The following CALD1 variants were observed in gnomAD, a reference collection of about 807,000 sequenced individuals.
The protein encoded by CALD1 is caldesmon.
Under a neutral mutation model 99.9 loss-of-function variants are expected in CALD1, and 33 were observed. The observed-to-expected ratio is 0.33, with a 90% confidence interval of 0.25 to 0.44. CALD1 has a LOEUF of 0.44. CALD1 is among the 20% of genes least tolerant of loss of function. The pLI is 1.00. For missense variants in CALD1, 861 were observed against 962.1 expected, an observed-to-expected ratio of 0.89 and a Z score of 1.39; for synonymous variants, 310 against 325.0, an observed-to-expected ratio of 0.95 and a Z score of 0.50.
chr7:134,745,248 A>G (rs1796624658), intron 1 of CALD1, among the ~76,000 whole-genome samples: 1 of 152,234 alleles, frequency 6.6e-6, no homozygotes, highest in Non-Finnish European at 1.5e-5. Flanking sequence ...CTCCATCCCA[A>G]TTCAGTATCA....
At chr7:134,797,365 A>C (rs1008809301) in intron 1 of CALD1, among the ~76,000 whole-genome samples, 1 of 152,250 alleles carries the variant, frequency 6.6e-6, no homozygotes, top group Admixed American at 6.5e-5. Context: ...TGTTGCCCTC[A>C]GATTTTCTAA....
chr7:134,810,253 T>C (rs1585998620), intron 1 of CALD1, among the ~76,000 whole-genome samples: 1 of 152,188 alleles, frequency 6.6e-6, no homozygotes, highest in African/African-American at 2.4e-5. Flanking sequence ...AAATCAGTGG[T>C]CGGAGATAGC....
intron 7 of CALD1, among the ~76,000 whole-genome samples, chr7:134,945,175 CA>C (rs1806760656): frequency 6.6e-6 from 1 of 152,112 alleles, no homozygotes; most frequent in Non-Finnish European, 1.5e-5. Flanking sequence ...AAAGAAAATT[CA>C]ACATAATTTC....
chr7:134,745,577 C>T (rs1483060223), intron 1 of CALD1: 1 of 152,162 alleles, frequency 6.6e-6, no homozygotes, highest in East Asian at 1.9e-4. Flanking sequence ...CAAAAGGTAA[C>T]TATTTTAAAT....
At chr7:134,932,194 A>G (rs1805571651) in intron 4 of CALD1, among the ~76,000 whole-genome samples, 1 of 152,154 alleles carries the variant, frequency 6.6e-6, no homozygotes, top group Non-Finnish European at 1.5e-5. Context: ...TGCAAATTTA[A>G]TCCTTGAGTG....
At position 134,806,312 on chromosome 7, in the gene CALD1, GCC is replaced by G. The variant is rs534215038; in HGVS notation, c.-130+26565_-130+26566del. On this transcript the variant is annotated intron_variant, in intron 1 of 14. Coordinates refer to ENST00000361675, the MANE Select transcript of CALD1 (RefSeq NM_033138.4). ...ACAAAAAGGGGTTTTTCTCCCCCCAGCCCACGGTTTAGCTTCCTCATTAGTAG... is the reference window on the plus strand; with the variant it reads ...ACAAAAAGGGGTTTTTCTCCCCCCAGCACGGTTTAGCTTCCTCATTAGTAG... Among the ~76,000 whole-genome samples the G allele has an allele frequency of 3.7e-3, 560 of 152,288 alleles. 1 individual carries two copies. The highest frequency in any genetic ancestry group is 0.014 in the Middle Eastern group (4 of 294).
chr7:134,970,221 T>C lies in CALD1; in HGVS notation c.*1876T>C, dbSNP rs2133319324. On this transcript the variant is annotated 3_prime_UTR_variant, in exon 15 of 15. Transcript: ENST00000361675. ...TCCCAGGTAGCATTGACTCCCGTCA[T>C]TGGAGTGAAATGGATCAAAGTTTGA... 6.6e-6 allele frequency: 1 copy of C among 152,332 alleles called. No individual in the cohort carries two copies. The highest frequency in any genetic ancestry group is 1.9e-4 in the East Asian group (1 of 5,190). The allele number at this position is 152,332 out of a possible 1,614,324, so 9.4% of individuals were successfully genotyped here.
upstream of CALD1, among the ~76,000 whole-genome samples, chr7:134,778,703 C>T (rs1334685121): frequency 5.3e-5 from 8 of 152,192 alleles, no homozygotes; most frequent in Non-Finnish European, 7.3e-5. Flanking sequence ...ACTTTCAAGA[C>T]GTCACCTGAA....
At chr7:134,850,874 T>G (rs932724627) in intron 2 of CALD1, among the ~76,000 whole-genome samples, 3 of 152,210 alleles carry the variant, frequency 2.0e-5, no homozygotes, top group Non-Finnish European at 4.4e-5. Flanking sequence ...TGTGTTGTTC[T>G]CATGATAGTG....
chr7:134,778,009 A>G (rs79149725), upstream of CALD1, among the ~76,000 whole-genome samples: 593 of 152,338 alleles, frequency 3.9e-3, 2 homozygotes, highest in African/African-American at 0.013. Flanking sequence ...CCTGAAATGC[A>G]ACATTGACTG....
chr7:134,950,283 C>A, intron 8 of CALD1, 91 bp from the exon 9 acceptor site: 1 of 1,288,960 alleles, frequency 7.8e-7, no homozygotes, highest in Non-Finnish European at 1.1e-6. Flanking sequence ...GAGTCTGCTG[C>A]CTCTCCAACT....
At chr7:134,939,894 G>A (rs1465317142) in intron 6 of CALD1, among the ~76,000 whole-genome samples, 1 of 152,116 alleles carries the variant, frequency 6.6e-6, no homozygotes, top group East Asian at 1.9e-4. Context: ...AACCCGGGAG[G>A]TGGAAGCTGC....
At chr7:134,777,959 A>G (rs1423195026), upstream of CALD1, among the ~76,000 whole-genome samples, 1 of 152,218 alleles carries the variant, frequency 6.6e-6, no homozygotes, top group Admixed American at 6.5e-5. Flanking sequence ...AATTTTATAA[A>G]CAGTGGTGTT....
intron 1 of CALD1, among the ~76,000 whole-genome samples, chr7:134,826,273 C>T (rs1050994989): frequency 1.3e-5 from 2 of 152,298 alleles, no homozygotes; most frequent in Admixed American, 1.3e-4. Flanking sequence ...TGAATGTACT[C>T]ACCCACGAGC....
intron 1 of CALD1, among the ~76,000 whole-genome samples, chr7:134,747,780 A>T (rs868736742): frequency 6.6e-6 from 1 of 152,372 alleles, no homozygotes; most frequent in Middle Eastern, 3.4e-3. Context: ...TGCCCTGGAA[A>T]GCCATAGGCC....
intron 2 of CALD1, among the ~76,000 whole-genome samples, chr7:134,861,959 T>C (rs1800581593): frequency 6.6e-6 from 1 of 152,228 alleles, no homozygotes; most frequent in Admixed American, 6.5e-5. Context: ...AAGTATGCAA[T>C]GATGCTGTCG....
chr7:134,949,958 C>T (rs1207477849), intron 8 of CALD1, among the ~76,000 whole-genome samples: 3 of 151,726 alleles, frequency 2.0e-5, no homozygotes, highest in Admixed American at 6.6e-5. Context: ...AGAAAGTTTA[C>T]GAATTTGTGT....
In CALD1 at chr7:134,928,549, T is replaced by C. The variant is rs564758189; in HGVS notation, c.72-205T>C. Among the ~76,000 whole-genome samples, 5 of 152,220 alleles carry C rather than the reference T, an allele frequency of 3.3e-5. No individual in the cohort carries two copies. The South Asian group carries it at 1.0e-3, about 32-fold the overall frequency. ...CATTGTAAATTATCTTCTGTAGCTA[T>C]TGGATTCATGTTTTTCAAATAGTTA... On this transcript the variant is annotated intron_variant, in intron 3 of 14. Transcript: ENST00000361675.
At chr7:134,876,822 G>A (rs1219565151) in intron 3 of CALD1, among the ~76,000 whole-genome samples, 1 of 152,098 alleles carries the variant, frequency 6.6e-6, no homozygotes, top group Non-Finnish European at 1.5e-5. Flanking sequence ...AAAAAGATAA[G>A]AACTGATTTG....
Sources: allele counts gnomAD v4.1 joint callset (sites outside exome capture counted in the v4.1 genomes callset), GRCh38; gene constraint gnomAD v4.1.1; transcripts MANE v1.5; gene names NCBI Gene and HGNC (gene_info 2026-07-23, HGNC 2026-07-21).